The following TSHZ3 variants were observed in gnomAD, a reference collection of about 807,000 sequenced individuals.
The protein encoded by TSHZ3 is teashirt zinc finger homeobox 3.
Under a neutral mutation model 64.5 loss-of-function variants are expected in TSHZ3, and 10 were observed. That is an observed-to-expected ratio of 0.16 (90% CI 0.10 to 0.26). TSHZ3 has a LOEUF of 0.26. TSHZ3 is among the 10% of genes least tolerant of loss of function. The pLI, the probability that TSHZ3 is intolerant of heterozygous loss-of-function variation, is 1.00. For synonymous variants in TSHZ3, 608 were observed against 593.1 expected (o/e 1.03, Z -0.36); for missense variants, 1,242 against 1,421.7 (o/e 0.87, Z 2.03).
intron 1 of TSHZ3, among the ~76,000 whole-genome samples, chr19:31,343,555 A>G (rs1414267794): frequency 6.6e-6 from 1 of 152,180 alleles, no homozygotes; most frequent in African/African-American, 2.4e-5. Flanking sequence ...TCTAATAAAG[A>G]TTCCTAAACC....
intron 1 of TSHZ3, among the ~76,000 whole-genome samples, chr19:31,330,711 G>C (rs539277081): frequency 7.9e-5 from 12 of 151,856 alleles, no homozygotes; most frequent in African/African-American, 2.4e-4. Context: ...TCCTTGGGCG[G>C]GGGGAGGAAA....
At chr19:31,326,274 AG>A (rs1916928173) in intron 1 of TSHZ3, among the ~76,000 whole-genome samples, 1 of 152,222 alleles carries the variant, frequency 6.6e-6, no homozygotes, top group Non-Finnish European at 1.5e-5. Flanking sequence ...GCTTGCCCCT[AG>A]GGAGAAGAAC....
chr19:31,178,535 C>T (rs535326985), intron 5 of TSHZ3, among the ~76,000 whole-genome samples: 7 of 152,248 alleles, frequency 4.6e-5, no homozygotes, highest in South Asian at 2.1e-4. Context: ...CAAAAGTAGC[C>T]GGGCGTGGTG....
chr19:31,274,141 T>A (rs1394693815), downstream of TSHZ3, among the ~76,000 whole-genome samples: 1 of 152,124 alleles, frequency 6.6e-6, no homozygotes, highest in Non-Finnish European at 1.5e-5. Context: ...ATGTGTTTTT[T>A]TTTTTAAGTT....
At chr19:31,297,389 C>T (rs1976681880) in intron 1 of TSHZ3, among the ~76,000 whole-genome samples, 1 of 151,492 alleles carries the variant, frequency 6.6e-6, no homozygotes, top group Non-Finnish European at 1.5e-5. Flanking sequence ...AGATAACTAC[C>T]AAGAGTAAGG....
chr19:31,234,958 G>A (rs1350428027), intron 3 of TSHZ3, among the ~76,000 whole-genome samples: 1 of 152,124 alleles, frequency 6.6e-6, no homozygotes, highest in Non-Finnish European at 1.5e-5. Context: ...ATCTGTGATA[G>A]CATTCATTGG....
intron 5 of TSHZ3, among the ~76,000 whole-genome samples, chr19:31,188,832 TCTC>T (rs1236948274): frequency 7.2e-5 from 11 of 151,952 alleles, no homozygotes; most frequent in Non-Finnish European, 1.5e-4. Flanking sequence ...GTTCCTTTCT[TCTC>T]TATTTTCTGA....
chr19:31,188,768 C>A (rs1974854598), intron 5 of TSHZ3, among the ~76,000 whole-genome samples: 1 of 151,578 alleles, frequency 6.6e-6, no homozygotes, highest in Non-Finnish European at 1.5e-5. Flanking sequence ...TTTTAATGTT[C>A]TTGTTTGGTT....
At chr19:31,342,029 G>T (rs1268939989) in intron 1 of TSHZ3, among the ~76,000 whole-genome samples, 1 of 152,176 alleles carries the variant, frequency 6.6e-6, no homozygotes, top group Non-Finnish European at 1.5e-5. Flanking sequence ...CTATAAACCA[G>T]ACTTGATGAG....
At chr19:31,156,340 T>G (rs1271686047) in intron 6 of TSHZ3, among the ~76,000 whole-genome samples, 1 of 152,190 alleles carries the variant, frequency 6.6e-6, no homozygotes, top group Non-Finnish European at 1.5e-5. Context: ...CAATAATAAT[T>G]CCAGTCTCCA....
chr19:31,288,558 G>T (rs1302507599), intron 1 of TSHZ3, among the ~76,000 whole-genome samples: 1 of 152,064 alleles, frequency 6.6e-6, no homozygotes, highest in Non-Finnish European at 1.5e-5. Context: ...CTCTGGAGAG[G>T]ACCTGCCGAT....
intron 1 of TSHZ3, among the ~76,000 whole-genome samples, chr19:31,310,047 T>C (rs1272609585): frequency 6.6e-6 from 1 of 152,168 alleles, no homozygotes; most frequent in Non-Finnish European, 1.5e-5. Context: ...GAGGAATTTG[T>C]GATGATGGGA....
In TSHZ3 at chr19:31,276,840, T is replaced by C; in HGVS notation, c.2953A>G (p.Ile985Val). ...CTGATGTACGTGGAAGGAGTCCTGA[T>C]TTGGGACGCACAATCGTTACAAAAG... ...VFFCNDCASQ[I>V]RTPSTYISHL... Residue 985 changes from isoleucine (I) to valine (V), a missense_variant, in exon 2 of 2, where the codon ATC (isoleucine) becomes GTC (valine). Physicochemically the swap from Ile to Val is conservative, Grantham distance 29 (BLOSUM62 3). This residue lies in a region of TSHZ3 where 126 missense variants were observed against 140.6 expected (regional missense o/e 0.90). Coordinates refer to ENST00000240587, the MANE Select transcript of TSHZ3 (RefSeq NM_020856.4). 1 of 1,614,176 alleles carries C rather than the reference T, an allele frequency of 6.2e-7. No individual in the cohort carries two copies. The highest frequency in any genetic ancestry group is 1.1e-5 in the South Asian group (1 of 91,086).
At chr19:31,227,402 C>T (rs1200195051) in intron 4 of TSHZ3, among the ~76,000 whole-genome samples, 2 of 152,102 alleles carry the variant, frequency 1.3e-5, no homozygotes, top group Non-Finnish European at 1.5e-5. Context: ...TTTGCTGACA[C>T]AATTTGAGGA....
intron 5 of TSHZ3, among the ~76,000 whole-genome samples, chr19:31,169,714 G>T (rs1974509641): frequency 6.6e-6 from 1 of 152,126 alleles, no homozygotes; most frequent in Admixed American, 6.5e-5. Flanking sequence ...CAGCAACACC[G>T]AGCAATGCTG....
intron 1 of TSHZ3, among the ~76,000 whole-genome samples, chr19:31,296,862 A>G (rs1976670362): frequency 6.6e-6 from 1 of 152,150 alleles, no homozygotes; most frequent in African/African-American, 2.4e-5. Flanking sequence ...CAGAATGCCA[A>G]AGGGCCTGGG....
intron 1 of TSHZ3, among the ~76,000 whole-genome samples, chr19:31,308,920 C>T (rs528608103): frequency 7.2e-5 from 11 of 152,350 alleles, no homozygotes; most frequent in South Asian, 4.1e-4. Flanking sequence ...CCAGATTCCA[C>T]GCCGCCTAAC....
intron 1 of TSHZ3, among the ~76,000 whole-genome samples, chr19:31,303,529 G>A (rs1204731930): frequency 6.6e-6 from 1 of 152,156 alleles, no homozygotes. Flanking sequence ...GACCATCTCG[G>A]TGGGGTGGCT....
chr19:31,186,861 T>A (rs1193455452), intron 5 of TSHZ3, among the ~76,000 whole-genome samples: 1 of 152,198 alleles, frequency 6.6e-6, no homozygotes, highest in Admixed American at 6.5e-5. Flanking sequence ...TTGTGAAGTA[T>A]TTGTTCACAC....
Sources: gnomAD v4.1 joint callset for allele counts (sites outside exome capture counted in the v4.1 genomes callset) on GRCh38, gnomAD v4.1.1 for gene constraint, gnomAD v4.1.1 regional missense constraint, MANE v1.5 for transcripts, NCBI Gene and HGNC (gene_info 2026-07-23, HGNC 2026-07-21) for gene names.